Variants in ANK2 observed in about 807,000 individuals in gnomAD.
ANK2 encodes ankyrin 2.
In ANK2, 83 loss-of-function variants were observed where a neutral mutation model predicts 360.5. The ratio of observed to expected loss-of-function variants is 0.23; its 90% CI spans 0.19 to 0.28. ANK2 has a LOEUF of 0.28. Ranked by LOEUF, ANK2 falls within the 10% of genes least tolerant of loss-of-function variation. The pLI, the probability that ANK2 is intolerant of heterozygous loss-of-function variation, is 1.00. For missense variants in ANK2, 4,201 were observed against 4,795.7 expected (o/e 0.88, Z 3.66); for synonymous variants, 1,740 against 1,759.5 (o/e 0.99, Z 0.28).
intron 2 of ANK2, among the ~76,000 whole-genome samples, chr4:112,941,965 A>G (rs973587272): frequency 8.6e-5 from 13 of 151,584 alleles, no homozygotes; most frequent in Non-Finnish European, 1.6e-4. Context: ...TATAATATTT[A>G]TAAAATGCTT....
At chr4:112,765,217 A>C in the ANK2 span, among the ~76,000 whole-genome samples, 1 of 152,238 alleles carries the variant, frequency 6.6e-6, no homozygotes, top group Non-Finnish European at 1.5e-5. Flanking sequence ...ATATCATCTA[A>C]GATCTAGTCT....
chr4:112,950,665 A>G (rs1426122117), intron 2 of ANK2, among the ~76,000 whole-genome samples: 1 of 149,946 alleles, frequency 6.7e-6, no homozygotes, highest in Non-Finnish European at 1.5e-5. Flanking sequence ...AAAAAAAAAG[A>G]AAAAAAGAAA....
At chr4:113,133,197 A>G (rs144376815) in intron 1 of ANK2, among the ~76,000 whole-genome samples, 1 of 152,300 alleles carries the variant, frequency 6.6e-6, no homozygotes, top group East Asian at 1.9e-4. Context: ...TGACTTCATT[A>G]TGAGTCAACA....
intron 2 of ANK2, among the ~76,000 whole-genome samples, chr4:112,942,576 G>A (rs1377504248): frequency 6.6e-6 from 1 of 151,888 alleles, no homozygotes; most frequent in Non-Finnish European, 1.5e-5. Context: ...GAGGATAAAT[G>A]ACCAAAGCAA....
intron 27 of ANK2, 113 bp from the exon 28 acceptor site, chr4:113,331,859 T>C (rs2092529187): frequency 1.0e-6 from 1 of 984,526 alleles, no homozygotes; most frequent in Non-Finnish European, 1.6e-6. Flanking sequence ...CCAAACGCAG[T>C]GTGAAACCAA....
At chr4:113,152,079 G>GAAAAAAAAA (rs1554193694) in intron 1 of ANK2, among the ~76,000 whole-genome samples, 3 of 25,484 alleles carry the variant, frequency 1.2e-4, no homozygotes, top group South Asian at 8.8e-4. Context: ...AAAAAAAAAA[G>GAAAAAAAAA]AAAAAAAAAA....
chr4:113,155,973 C>T (rs1219930483), intron 1 of ANK2, among the ~76,000 whole-genome samples: 2 of 152,210 alleles, frequency 1.3e-5, no homozygotes, highest in African/African-American at 2.4e-5. Flanking sequence ...CTTTGGCAAA[C>T]ATTTGTAATG....
intron 2 of ANK2, among the ~76,000 whole-genome samples, chr4:112,983,641 C>T (rs568363372): frequency 1.3e-5 from 2 of 151,956 alleles, no homozygotes; most frequent in South Asian, 4.2e-4. Context: ...CACCATTGCA[C>T]TCCAGCCTGA....
chr4:112,828,215 T>C (rs1380437164), intron 1 of ANK2, among the ~76,000 whole-genome samples: 2 of 144,386 alleles, frequency 1.4e-5, no homozygotes, highest in Non-Finnish European at 3.0e-5. Context: ...AAAAATCAAC[T>C]CAAGATGAAT....
chr4:112,962,002 A>T (rs2035064344), intron 2 of ANK2, among the ~76,000 whole-genome samples: 1 of 152,170 alleles, frequency 6.6e-6, no homozygotes, highest in African/African-American at 2.4e-5. Flanking sequence ...CAGAGTTAAG[A>T]ATCTCTAATC....
chr4:112,901,055 ATAAGT>A (rs1208372497), intron 1 of ANK2, among the ~76,000 whole-genome samples: 1 of 152,196 alleles, frequency 6.6e-6, no homozygotes, highest in Non-Finnish European at 1.5e-5. Flanking sequence ...GGAACACACT[ATAAGT>A]TATAAGTTTT....
chr4:112,822,871 TA>T (rs11284712), intron 1 of ANK2, among the ~76,000 whole-genome samples: 45,326 of 149,658 alleles, frequency 0.3, 6,875 homozygotes, highest in East Asian at 0.35. Flanking sequence ...ACAAGAGATT[TA>T]AAAAAAAAAA....
chr4:113,322,637 GTC>G (rs1387946605), intron 26 of ANK2, among the ~76,000 whole-genome samples: 2 of 152,122 alleles, frequency 1.3e-5, no homozygotes, highest in Non-Finnish European at 2.9e-5. Context: ...TCATTAAAAT[GTC>G]CTACACAGTC....
intron 2 of ANK2, among the ~76,000 whole-genome samples, chr4:113,025,087 T>C (rs766613086): frequency 6.6e-6 from 1 of 152,114 alleles, no homozygotes; most frequent in African/African-American, 2.4e-5. Context: ...TTTCTAATTC[T>C]TACATCCATA....
chr4:112,720,235 C>T, the ANK2 span, among the ~76,000 whole-genome samples: 2 of 152,178 alleles, frequency 1.3e-5, no homozygotes, highest in African/African-American at 4.8e-5. Context: ...GATGTCTCCT[C>T]AACAGCATCT....
chr4:113,240,342 T>G (rs1432140706), intron 7 of ANK2, 143 bp from the exon 8 acceptor site: 2 of 684,254 alleles, frequency 2.9e-6, no homozygotes, highest in Non-Finnish European at 5.3e-6. Flanking sequence ...CCTTATAACA[T>G]TAAGATTTAA....
At chr4:113,367,457 T>A (rs1281669249) in intron 41 of ANK2, 109 bp from the exon 42 acceptor site, 1 of 1,022,352 alleles carries the variant, frequency 9.8e-7, no homozygotes, top group East Asian at 2.6e-5. Context: ...TCTCAGGATG[T>A]AGCACATTTA....
chr4:113,381,595 C>A lies in ANK2; in HGVS notation c.*124C>A. ...ACCTCCAGCGCGATCTCCAGCAGCT[C>A]CTTCGGCATTTCTGCAAGGAGGACT... On this transcript the variant is annotated 3_prime_UTR_variant, in exon 46 of 46. Transcript: ENST00000357077. The A allele has an allele frequency of 6.3e-7, 1 of 1,584,092 alleles. No individual in the cohort carries two copies. Among genetic ancestry groups the A allele is most frequent in the East Asian group, 2.3e-5 (1 of 43,620 alleles).
chr4:113,235,363 A>G (rs1158495460), intron 5 of ANK2, among the ~76,000 whole-genome samples: 1 of 152,204 alleles, frequency 6.6e-6, no homozygotes, highest in Non-Finnish European at 1.5e-5. Flanking sequence ...TATTATTAAA[A>G]AAACGATTAT....
Sources: gnomAD v4.1 joint callset for allele counts (sites outside exome capture counted in the v4.1 genomes callset) on GRCh38, gnomAD v4.1.1 for gene constraint, MANE v1.5 for transcripts, NCBI Gene and HGNC (gene_info 2026-07-23, HGNC 2026-07-21) for gene names.